The following CNKSR2 variants were observed in gnomAD, a reference collection of about 807,000 sequenced individuals.
CNKSR2 encodes the protein connector enhancer of kinase suppressor of Ras 2.
CNKSR2 carries 14 observed loss-of-function variants against 84.4 expected under a neutral mutation model. The ratio of observed to expected loss-of-function variants is 0.17; its 90% confidence interval spans 0.11 to 0.26. The LOEUF is 0.26. Ranked by LOEUF, CNKSR2 falls within the 10% of genes least tolerant of loss-of-function variation. CNKSR2 has a pLI of 1.00. For synonymous variants in CNKSR2, 275 were observed against 277.9 expected, an observed-to-expected ratio of 0.99 and a Z score of 0.10; for missense variants, 485 against 771.2, an observed-to-expected ratio of 0.63 and a Z score of 4.40.
intron 9 of CNKSR2, among the ~76,000 whole-genome samples, chrX:21,521,365 C>G (rs1165276069): frequency 9.0e-6 from 1 of 110,618 alleles, no homozygotes; most frequent in Non-Finnish European, 1.9e-5. Context: ...TTTAGCTCAC[C>G]AGTCTTTAAG....
chrX:21,418,126 T>C (rs972780485), intron 1 of CNKSR2, among the ~76,000 whole-genome samples: 1 of 111,903 alleles, frequency 8.9e-6, no homozygotes, highest in African/African-American at 3.2e-5. Flanking sequence ...AACTTAACAC[T>C]GTTTGCACTA....
At chrX:21,630,306 A>G (rs57874729) in intron 20 of CNKSR2, among the ~76,000 whole-genome samples, 4,808 of 112,239 alleles carry the variant, frequency 0.043, 281 homozygotes, top group African/African-American at 0.15. Flanking sequence ...GCCTTTCTCA[A>G]GGTAAAGCCA....
At chrX:21,502,466 G>C (rs962189044) in intron 8 of CNKSR2, among the ~76,000 whole-genome samples, 1 of 109,020 alleles carries the variant, frequency 9.2e-6, no homozygotes, top group African/African-American at 3.3e-5. Context: ...TTAGTATTCT[G>C]CTCCTCGCTT....
chrX:21,552,364 G>A (rs2092101212), intron 11 of CNKSR2, among the ~76,000 whole-genome samples: 1 of 111,829 alleles, frequency 8.9e-6, no homozygotes, highest in South Asian at 3.7e-4. Context: ...TGTTGAATTT[G>A]GGTTAATTTA....
intron 20 of CNKSR2, chrX:21,643,419 A>G (rs977944987): frequency 8.9e-6 from 1 of 111,985 alleles, no homozygotes; most frequent in Non-Finnish European, 1.9e-5. Context: ...GTTCAGAGAA[A>G]GAAGTATAGA....
At chrX:21,554,609 T>C (rs2092121695) in intron 11 of CNKSR2, among the ~76,000 whole-genome samples, 2 of 111,622 alleles carry the variant, frequency 1.8e-5, no homozygotes, top group African/African-American at 6.5e-5. Context: ...CTGTGTTAGT[T>C]TGCTGAGCAT....
chrX:21,409,474 A>G (rs1180205633), intron 1 of CNKSR2, among the ~76,000 whole-genome samples: 4 of 108,011 alleles, frequency 3.7e-5, no homozygotes, highest in African/African-American at 1.3e-4. Context: ...TACAACTGAC[A>G]TCTTCCAGTT....
chrX:21,490,710 G>T, intron 6 of CNKSR2, 132 bp downstream of exon 6: 1 of 648,876 alleles, frequency 1.5e-6, no homozygotes, highest in Non-Finnish European at 2.1e-6. Context: ...TTTTCCTGGA[G>T]GAGTTATGGT....
intron 2 of CNKSR2, chrX:21,428,298 G>C (rs1170727838): frequency 9.0e-6 from 1 of 111,675 alleles, no homozygotes; most frequent in Non-Finnish European, 1.9e-5. Context: ...TGAAGTTTCT[G>C]TTCCTCATAT....
rs547454548 is a variant in CNKSR2 at position 21,374,630 on chromosome X, A to AGCAGCCGCC, written c.-266_-265insAGCCGCCGC. 707 of 445,204 alleles carry AGCAGCCGCC rather than the reference A, an allele frequency of 1.6e-3. 4 individuals are homozygous for AGCAGCCGCC. Among genetic ancestry groups the AGCAGCCGCC allele is most frequent in the South Asian group, 3.8e-3 (132 of 34,961 alleles). The allele number at this position is 445,204 out of a possible 1,213,427, so 36.7% of individuals were successfully genotyped here. A position where few individuals can be genotyped will look rare whatever the true frequency, so the allele number is the denominator to read the frequency against. ...CAGCAGCAGCAGCAGCAGCAGCAGCAGCCGCCGCCGCCGCCGCCTTAGCGG... is the reference window on the plus strand; with the variant it reads ...CAGCAGCAGCAGCAGCAGCAGCAGCAGCAGCCGCCGCCGCCGCCGCCGCCGCCTTAGCGG... On this transcript the variant is annotated 5_prime_UTR_variant, in exon 1 of 22. Transcript: ENST00000379510.
rs779809023 is a variant in CNKSR2 at position 21,563,232 on chromosome X, A to G, written c.1394-6A>G. ...TATATTGGTGTATTTATCTCTTTTT[A>G]TATAGAAAACTCTCTACTTCGGTAT... On this transcript the variant is annotated splice_polypyrimidine_tract_variant and splice_region_variant and intron_variant, in intron 12 of 21. Coordinates refer to ENST00000379510, the MANE Select transcript of CNKSR2 (RefSeq NM_014927.5). The G allele has an allele frequency of 1.1e-5, 13 of 1,176,176 alleles. No individual in the cohort carries two copies. In the Admixed American group the frequency reaches 2.9e-4, roughly 27 times the overall value.
At chrX:21,595,301 A>G (rs1444891379) in intron 16 of CNKSR2, 23 bp from the exon 17 acceptor site, 2 of 1,124,245 alleles carry the variant, frequency 1.8e-6, no homozygotes, top group East Asian at 3.0e-5. Flanking sequence ...TTTGTAATAA[A>G]TGTACTTTGT....
intron 13 of CNKSR2, among the ~76,000 whole-genome samples, chrX:21,572,085 A>G (rs2092287717): frequency 8.9e-6 from 1 of 112,361 alleles, no homozygotes; most frequent in Non-Finnish European, 1.9e-5. Context: ...TCTGATTCCT[A>G]TGGATGACTT....
intron 17 of CNKSR2, among the ~76,000 whole-genome samples, chrX:21,599,106 T>C (rs1376466762): frequency 8.9e-6 from 1 of 112,457 alleles, no homozygotes; most frequent in South Asian, 3.7e-4. Context: ...AAACTTTCAA[T>C]TGTCTTGTGA....
chrX:21,412,356 C>T (rs1197711680), intron 1 of CNKSR2, among the ~76,000 whole-genome samples: 4 of 112,371 alleles, frequency 3.6e-5, no homozygotes, highest in Non-Finnish European at 7.5e-5. Context: ...ACTAATTCTT[C>T]ATGACACGAA....
At chrX:21,532,925 C>G (rs2091897946) in intron 11 of CNKSR2, among the ~76,000 whole-genome samples, 1 of 111,218 alleles carries the variant, frequency 9.0e-6, no homozygotes, top group Admixed American at 9.6e-5. Context: ...TTTAGCTCCT[C>G]CATTCTATTC....
intron 14 of CNKSR2, 124 bp from the exon 15 acceptor site, chrX:21,590,898 C>G: frequency 1.7e-6 from 1 of 571,445 alleles, no homozygotes; most frequent in Non-Finnish European, 2.7e-6. Context: ...TTATATTTTT[C>G]TAGTCTAATA....
At chrX:21,537,528 A>G (rs1456488610) in intron 11 of CNKSR2, among the ~76,000 whole-genome samples, 1 of 111,273 alleles carries the variant, frequency 9.0e-6, no homozygotes, top group Non-Finnish European at 1.9e-5. Flanking sequence ...GGTTTGCTTT[A>G]TATTTCTGGG....
At chrX:21,576,808 T>C (rs2092321921) in intron 13 of CNKSR2, among the ~76,000 whole-genome samples, 1 of 111,617 alleles carries the variant, frequency 9.0e-6, no homozygotes, top group Non-Finnish European at 1.9e-5. Context: ...GAAATATATC[T>C]GAATAGTTAC....
Sources: allele counts gnomAD v4.1 joint callset (sites outside exome capture counted in the v4.1 genomes callset), GRCh38; gene constraint gnomAD v4.1.1; transcripts MANE v1.5; gene names NCBI Gene and HGNC (gene_info 2026-07-23, HGNC 2026-07-21).